ADAMTSL1: variants seen among roughly 807,000 people sequenced by gnomAD.
ADAMTSL1 encodes ADAMTS like 1.
A neutral mutation model predicts 201.8 loss-of-function variants in ADAMTSL1; 126 were observed. The ratio of observed to expected loss-of-function variants is 0.62; its 90% CI spans 0.54 to 0.72. The LOEUF is 0.72. ADAMTSL1 is among the 30% of genes least tolerant of loss of function. The pLI is 0.00. For synonymous variants in ADAMTSL1, 1,121 were observed against 903.4 expected, an observed-to-expected ratio of 1.24 and a Z score of -4.32; for missense variants, 2,679 against 2,277.8, an observed-to-expected ratio of 1.18 and a Z score of -3.59.
chr9:17,974,496 T>A (rs1246904226), intron 1 of ADAMTSL1, among the ~76,000 whole-genome samples: 1 of 151,996 alleles, frequency 6.6e-6, no homozygotes, highest in Non-Finnish European at 1.5e-5. Flanking sequence ...TGAAACTTTG[T>A]ACCTTTTGAC....
intron 2 of ADAMTSL1, among the ~76,000 whole-genome samples, chr9:18,437,483 T>C (rs1819791432): frequency 6.6e-6 from 1 of 152,104 alleles, no homozygotes; most frequent in African/African-American, 2.4e-5. Flanking sequence ...AACTGCCTTC[T>C]CACTGCTACA....
At chr9:18,180,291 T>C (rs1828397541) in intron 2 of ADAMTSL1, among the ~76,000 whole-genome samples, 1 of 152,138 alleles carries the variant, frequency 6.6e-6, no homozygotes, top group Non-Finnish European at 1.5e-5. Context: ...CCCAGCACTT[T>C]GGGAGGCTGA....
chr9:18,398,717 G>A (rs1371510149), intron 2 of ADAMTSL1, among the ~76,000 whole-genome samples: 1 of 152,116 alleles, frequency 6.6e-6, no homozygotes, highest in Non-Finnish European at 1.5e-5. Context: ...GATCTGGTAG[G>A]ATCTTATAGG....
At chr9:18,028,720 C>T (rs113407131) in intron 1 of ADAMTSL1, among the ~76,000 whole-genome samples, 11,145 of 152,138 alleles carry the variant, frequency 0.073, 693 homozygotes, top group African/African-American at 0.17. Flanking sequence ...GTTCTTTTGG[C>T]TTAGGATTGA....
intron 23 of ADAMTSL1, among the ~76,000 whole-genome samples, chr9:18,868,529 C>A (rs1179311254): frequency 6.6e-6 from 1 of 152,160 alleles, no homozygotes; most frequent in Admixed American, 6.5e-5. Flanking sequence ...TACCCTAAGG[C>A]CTTTCTGGGG....
At chr9:18,806,559 CA>C (rs1445381357) in intron 20 of ADAMTSL1, among the ~76,000 whole-genome samples, 3 of 152,168 alleles carry the variant, frequency 2.0e-5, no homozygotes, top group Non-Finnish European at 2.9e-5. Flanking sequence ...TGGCTTCATT[CA>C]AAAAACAAAC....
chr9:17,923,201 G>C (rs1322237177), intron 1 of ADAMTSL1, among the ~76,000 whole-genome samples: 1 of 151,090 alleles, frequency 6.6e-6, no homozygotes, highest in Non-Finnish European at 1.5e-5. Flanking sequence ...GCTTGATGGG[G>C]ATGGCATTGA....
rs553601312 is a variant in ADAMTSL1 at position 18,775,792 on chromosome 9, G to T, written c.2447G>T (p.Arg816Leu). Reference protein sequence around the residue: ...EGTQTRSAICRKMLKTGLSTV... With the variant: ...EGTQTRSAICLKMLKTGLSTV... ...ACCCAGACTCGAAGCGCCATTTGCC[G>T]AAAGATGCTGAAAACCGGCCTCTCA... The change falls in exon 18 of 29, where the codon CGA becomes CTA. Residue 816 changes from arginine (R) to leucine (L), a missense_variant. By Grantham distance (102) the Arg-to-Leu change is moderately radical. Transcript: ENST00000380548. 6.2e-7 allele frequency: 1 copy of T among 1,611,996 alleles called. No individual in the cohort carries two copies. Among genetic ancestry groups the T allele is most frequent in the Non-Finnish European group, 8.5e-7 (1 of 1,179,048 alleles).
chr9:18,533,386 T>C (rs1423646101), intron 3 of ADAMTSL1, 94 bp downstream of exon 3: 26 of 1,031,652 alleles, frequency 2.5e-5, no homozygotes, highest in Admixed American at 4.7e-5. Context: ...ATCAACCAAC[T>C]AGTATTTCAC....
In ADAMTSL1 at chr9:18,852,530, T is replaced by C. The variant is rs186762753; in HGVS notation, c.4249+22553T>C. The stretch of plus-strand genomic sequence containing the variant: ...CCAGTAAACCTATCTTCTCATTAAC[T>C]TGTTCATTTTATGCAGTTCATATTT... On this transcript the variant is annotated intron_variant, in intron 23 of 28. Coordinates refer to ENST00000380548, the MANE Select transcript of ADAMTSL1 (RefSeq NM_001040272.6). Among the ~76,000 whole-genome samples, 11 of 152,380 alleles carry C rather than the reference T, an allele frequency of 7.2e-5. No homozygotes were observed. In the East Asian group the frequency reaches 2.1e-3, roughly 29 times the overall value.
intron 2 of ADAMTSL1, among the ~76,000 whole-genome samples, chr9:18,234,697 C>T (rs113871981): frequency 7.2e-4 from 109 of 152,046 alleles, no homozygotes; most frequent in African/African-American, 2.0e-3. Flanking sequence ...CAACCAAACA[C>T]CTCTTAGGAG....
At chr9:18,024,407 C>T (rs944779009) in intron 1 of ADAMTSL1, among the ~76,000 whole-genome samples, 25 of 152,006 alleles carry the variant, frequency 1.6e-4, no homozygotes, top group Non-Finnish European at 3.2e-4. Flanking sequence ...TCATCCCTTA[C>T]TCACCTCCCT....
intron 23 of ADAMTSL1, among the ~76,000 whole-genome samples, chr9:18,844,814 G>C (rs1476229320): frequency 6.6e-6 from 1 of 152,226 alleles, no homozygotes; most frequent in African/African-American, 2.4e-5. Context: ...CAATCAGCAA[G>C]ACTCTGTGGG....
chr9:18,104,294 A>T (rs1218144015), intron 1 of ADAMTSL1, among the ~76,000 whole-genome samples: 1 of 152,092 alleles, frequency 6.6e-6, no homozygotes, highest in Non-Finnish European at 1.5e-5. Context: ...CTCTCTAGTT[A>T]CTGCATGCTT....
intron 2 of ADAMTSL1, among the ~76,000 whole-genome samples, chr9:18,458,337 G>C (rs1820683700): frequency 6.6e-6 from 1 of 152,154 alleles, no homozygotes; most frequent in South Asian, 2.1e-4. Context: ...CTTACTATGT[G>C]AGATACACTC....
intron 1 of ADAMTSL1, among the ~76,000 whole-genome samples, chr9:18,034,220 T>C (rs1266620803): frequency 6.6e-6 from 1 of 152,210 alleles, no homozygotes; most frequent in African/African-American, 2.4e-5. Context: ...CAACCTTCTA[T>C]AGAAGCTAGC....
chr9:18,688,118 G>GTATATATATATATATGTATGTATATA (rs1830950957), intron 13 of ADAMTSL1, among the ~76,000 whole-genome samples: 2 of 142,702 alleles, frequency 1.4e-5, no homozygotes, highest in Non-Finnish European at 3.0e-5. Flanking sequence ...ATGTATGTAT[G>GTATATATATATATATGTATGTATATA]TATATATATA....
intron 5 of ADAMTSL1, chr9:18,622,677 G>T (rs546253546): frequency 1.9e-6 from 1 of 519,954 alleles, no homozygotes; most frequent in Non-Finnish European, 3.4e-6. Context: ...CTGTATCCCA[G>T]CTCCTGCGTG....
intron 2 of ADAMTSL1, among the ~76,000 whole-genome samples, chr9:18,168,661 A>C (rs1827746822): frequency 6.7e-6 from 1 of 149,278 alleles, no homozygotes; most frequent in Non-Finnish European, 1.5e-5. Context: ...TGGCTGGGTC[A>C]AATGGTATTT....
Sources: allele counts gnomAD v4.1 joint callset (sites outside exome capture counted in the v4.1 genomes callset), GRCh38; gene constraint gnomAD v4.1.1; transcripts MANE v1.5; gene names NCBI Gene and HGNC (gene_info 2026-07-23, HGNC 2026-07-21).